Variants in BPTF observed in about 807,000 individuals in gnomAD.
BPTF encodes nucleosome-remodeling factor subunit BPTF.
BPTF carries 18 observed loss-of-function variants against 292.5 expected under a neutral mutation model. The ratio of observed to expected loss-of-function variants is 0.06; its 90% confidence interval spans 0.04 to 0.09. BPTF has a LOEUF of 0.09. BPTF is among the 10% of genes least tolerant of loss of function. The pLI is 1.00. For synonymous variants in BPTF, 1,225 were observed against 1,251.9 expected (o/e 0.98, Z 0.45); for missense variants, 2,726 against 3,498.7 (o/e 0.78, Z 5.57).
In BPTF at chr17:67,912,697, G is replaced by A; in HGVS notation, c.4813G>A (p.Val1605Ile). The change falls in exon 11 of 28, where the codon GTA (valine) becomes ATA (isoleucine). Residue 1605 changes from valine to isoleucine, a missense_variant. By Grantham distance (29) the Val-to-Ile change is conservative (BLOSUM62 3). This residue lies in a region of BPTF where 144 missense variants were observed against 177.2 expected (regional missense o/e 0.81). Transcript: ENST00000306378. ...CACAGAATCAAAAACTGTGATCAAG[G>A]TAGAAAAAGGCGATAAGCAAACTGT... ...VATESKTVIK[V>I]EKGDKQTVVS... 6.2e-7 allele frequency: 1 copy of A among 1,613,988 alleles called. No homozygotes were observed.
At chr17:67,864,587 A>C (rs1004951594) in intron 2 of BPTF, among the ~76,000 whole-genome samples, 14 of 151,274 alleles carry the variant, frequency 9.3e-5, no homozygotes, top group African/African-American at 2.9e-4. Flanking sequence ...GACCAAAAAA[A>C]CCCCCAACTT....
At chr17:67,948,028 A>C (rs2065943560) in intron 22 of BPTF, 53 bp from the exon 23 acceptor site, 2 of 1,520,798 alleles carry the variant, frequency 1.3e-6, no homozygotes, top group Non-Finnish European at 1.8e-6. Flanking sequence ...TGATGTCTTA[A>C]GCCTTTCAAA....
In BPTF at chr17:67,947,728, G is replaced by T; in HGVS notation, c.7620G>T (p.Val2540=). The T allele has an allele frequency of 6.4e-7, 1 of 1,553,578 alleles. No individual in the cohort carries two copies. The highest frequency in any genetic ancestry group is 1.2e-5 in the South Asian group (1 of 84,126). The change falls in exon 22 of 28, where the codon GTG becomes GTT. Residue 2540 remains valine, a splice_region_variant and synonymous_variant. Coordinates refer to ENST00000306378, the MANE Select transcript of BPTF (RefSeq NM_182641.4). ...SNQSEIIQKQ[V]VMKHNAVIEH... ...TTTGGATTTATTCTGTCCTGAAGGT[G>T]GTGATGAAGCATAATGCTGTAATAG...
intron 15 of BPTF, among the ~76,000 whole-genome samples, chr17:67,924,974 C>T (rs1308226946): frequency 6.6e-6 from 1 of 151,524 alleles, no homozygotes; most frequent in Non-Finnish European, 1.5e-5. Context: ...GTCTTAAACT[C>T]CTGGACTCAA....
At chr17:67,941,353 T>C (rs2065347310) in intron 19 of BPTF, among the ~76,000 whole-genome samples, 1 of 152,178 alleles carries the variant, frequency 6.6e-6, no homozygotes, top group African/African-American at 2.4e-5. Context: ...CTCAGGAGGC[T>C]GAGGAAGGAG....
intron 1 of BPTF, among the ~76,000 whole-genome samples, chr17:67,837,515 C>T (rs1165904711): frequency 6.6e-6 from 1 of 151,866 alleles, no homozygotes; most frequent in Non-Finnish European, 1.5e-5. Flanking sequence ...CCAAGCAGTT[C>T]CCCTGCCTCA....
chr17:67,964,883 T>C (rs188327453), intron 25 of BPTF: 2,416 of 148,818 alleles, frequency 0.016, 28 homozygotes, highest in South Asian at 0.041. Context: ...CCTGTAGTCC[T>C]AGCTACTCCG....
At chr17:67,863,526 T>C (rs2059209413) in intron 2 of BPTF, among the ~76,000 whole-genome samples, 3 of 152,218 alleles carry the variant, frequency 2.0e-5, no homozygotes, top group Admixed American at 2.0e-4. Context: ...CCTTGTGATC[T>C]GCCCGCCTTG....
Position 67,959,543 on chromosome 17 carries a change from A to G in BPTF, c.7929A>G (p.Glu2643=). Reference sequence around the variant, plus strand: ...GTATTGTCTTTAATTGATAACAGGAAGAGCTGAAGAGAGACCTGAAAATTA... The same window carrying G: ...GTATTGTCTTTAATTGATAACAGGAGGAGCTGAAGAGAGACCTGAAAATTA... ...LDKDLQIEVQ[E]ELKRDLKIKK... is the part of the protein sequence containing the mutation. The change falls in exon 24 of 28, where the codon GAA becomes GAG. Residue 2643 remains glutamate, a splice_region_variant and synonymous_variant. Coordinates refer to ENST00000306378, the MANE Select transcript of BPTF (RefSeq NM_182641.4). The G allele has an allele frequency of 1.3e-6, 2 of 1,512,504 alleles. No individual in the cohort carries two copies. Among genetic ancestry groups the G allele is most frequent in the Non-Finnish European group, 1.8e-6 (2 of 1,133,746 alleles). 93.7% of individuals were successfully genotyped at this position (1,512,504 alleles called of 1,614,324 possible).
chr17:67,889,011 C>T (rs1227895179), intron 4 of BPTF, among the ~76,000 whole-genome samples: 1 of 152,180 alleles, frequency 6.6e-6, no homozygotes, highest in Non-Finnish European at 1.5e-5. Context: ...GGTGAACACC[C>T]TCCACTTCCT....
intron 1 of BPTF, among the ~76,000 whole-genome samples, chr17:67,849,230 G>A (rs2058238167): frequency 6.6e-6 from 1 of 152,102 alleles, no homozygotes; most frequent in Non-Finnish European, 1.5e-5. Flanking sequence ...TGTGAATTTG[G>A]GTTGCATTTG....
chr17:67,953,260 C>CCGTCAAA (rs1555679280), intron 23 of BPTF, among the ~76,000 whole-genome samples: 1 of 122,930 alleles, frequency 8.1e-6, no homozygotes. Flanking sequence ...CGCGCCTGGC[C>CCGTCAAA]TTTTTTTTTT....
intron 2 of BPTF, 72 bp from the exon 3 acceptor site, chr17:67,866,392 C>T: frequency 8.3e-7 from 1 of 1,204,350 alleles, no homozygotes; most frequent in Non-Finnish European, 1.2e-6. Context: ...TAAGTTTTCA[C>T]TGGGTAGATG....
intron 24 of BPTF, 165 bp downstream of exon 24, chr17:67,960,040 A>G: frequency 1.8e-6 from 1 of 556,620 alleles, no homozygotes; most frequent in Non-Finnish European, 3.0e-6. Context: ...CATTGACGCT[A>G]GTAAAGTAAA....
intron 1 of BPTF, among the ~76,000 whole-genome samples, chr17:67,838,626 G>C (rs1288398951): frequency 6.6e-6 from 1 of 152,150 alleles, no homozygotes; most frequent in Admixed American, 6.5e-5. Flanking sequence ...ACAGGTGCTC[G>C]CTGCCATGCC....
intron 2 of BPTF, among the ~76,000 whole-genome samples, chr17:67,855,837 G>A (rs1320786578): frequency 1.3e-5 from 2 of 152,234 alleles, no homozygotes; most frequent in African/African-American, 4.8e-5. Flanking sequence ...GGCATGGAAA[G>A]GAGAGTTGAA....
intron 2 of BPTF, among the ~76,000 whole-genome samples, chr17:67,857,254 C>T (rs542530824): frequency 2.0e-5 from 3 of 150,724 alleles, no homozygotes; most frequent in Admixed American, 6.6e-5. Context: ...CTCCGCCTCC[C>T]GGGTTCACAC....
In BPTF at chr17:67,866,774, A is replaced by G. The variant is rs183642984; in HGVS notation, c.1660+87A>G. 5.7e-6 allele frequency: 6 copies of G among 1,059,824 alleles called. No individual in the cohort carries two copies. In the African/African-American group the frequency reaches 9.7e-5, roughly 17 times the overall value. 65.7% of individuals were successfully genotyped at this position (1,059,824 alleles called of 1,614,324 possible). On this transcript the variant is annotated intron_variant, in intron 3 of 27. Coordinates refer to ENST00000306378, the MANE Select transcript of BPTF (RefSeq NM_182641.4). ...TCACTGCAAAATTTGAAAATAGATTAAAATTTTCAAGTACAGTCGTGCATT... is the reference window on the plus strand; with the variant it reads ...TCACTGCAAAATTTGAAAATAGATTGAAATTTTCAAGTACAGTCGTGCATT...
Position 67,911,224 on chromosome 17 carries a change from G to C in BPTF, c.3340G>C (p.Gly1114Arg). ...ESPVITKAKEGCQSDSMRQEQ... is the reference protein window; with the variant it reads ...ESPVITKAKERCQSDSMRQEQ... ...ACCAGTAATAACGAAAGCAAAAGAA[G>C]GGTGTCAGAGTGACTCGATGAGACA... Residue 1114 changes from glycine to arginine, a missense_variant, in exon 11 of 28, where the codon GGG becomes CGG. By Grantham distance (125) the Gly-to-Arg change is moderately radical. Transcript: ENST00000306378. The C allele has an allele frequency of 5.6e-6, 9 of 1,613,876 alleles. No homozygotes were observed. Among genetic ancestry groups the C allele is most frequent in the Non-Finnish European group, 7.6e-6 (9 of 1,179,982 alleles).
Sources: allele counts gnomAD v4.1 joint callset (sites outside exome capture counted in the v4.1 genomes callset), GRCh38; gene constraint gnomAD v4.1.1; regional missense constraint gnomAD v4.1.1; transcripts MANE v1.5; gene names NCBI Gene and HGNC (gene_info 2026-07-23, HGNC 2026-07-21).